SIPA1L1: variants seen among roughly 807,000 people sequenced by gnomAD.
The protein encoded by SIPA1L1 is signal induced proliferation associated 1 like 1, also known as signal-induced proliferation-associated 1-like protein 1.
Under a neutral mutation model 162.7 loss-of-function variants are expected in SIPA1L1, and 26 were observed. That is an observed-to-expected ratio of 0.16 (90% CI 0.12 to 0.22). The LOEUF is 0.22. SIPA1L1 is among the 10% of genes least tolerant of loss of function. The probability of loss-of-function intolerance (pLI) is 1.00; values close to 1 mark genes in which losing one functional copy is unlikely to be tolerated. For missense variants in SIPA1L1, 1,874 were observed against 2,241.0 expected, an observed-to-expected ratio of 0.84 and a Z score of 3.31; for synonymous variants, 829 against 837.4, an observed-to-expected ratio of 0.99 and a Z score of 0.17.
intron 2 of SIPA1L1, among the ~76,000 whole-genome samples, chr14:71,472,881 G>C (rs893908845): frequency 3.5e-5 from 5 of 144,690 alleles, no homozygotes; most frequent in African/African-American, 1.0e-4. Context: ...GGTCTTACTT[G>C]GTCACCCAGG....
At chr14:71,620,644 G>T (rs148235451) in intron 6 of SIPA1L1, among the ~76,000 whole-genome samples, 1 of 152,130 alleles carries the variant, frequency 6.6e-6, no homozygotes, top group African/African-American at 2.4e-5. Flanking sequence ...CCTGTCACTG[G>T]TTTCCACGAG....
chr14:71,364,746 CA>C (rs1407729089), intron 2 of SIPA1L1, among the ~76,000 whole-genome samples: 28 of 136,340 alleles, frequency 2.1e-4, no homozygotes, highest in Non-Finnish European at 2.8e-4. Context: ...AGCAGAACAT[CA>C]ATTTTTTTTT....
At chr14:71,718,810 A>G (rs1266805243) in intron 17 of SIPA1L1, among the ~76,000 whole-genome samples, 1 of 152,236 alleles carries the variant, frequency 6.6e-6, no homozygotes, top group Non-Finnish European at 1.5e-5. Context: ...AGGTAACATT[A>G]GCTTTTCTCC....
intron 23 of SIPA1L1, 63 bp downstream of exon 23, chr14:71,738,388 C>A: frequency 8.8e-7 from 1 of 1,136,670 alleles, no homozygotes; most frequent in Non-Finnish European, 1.3e-6. Context: ...ACCATGAGAG[C>A]CCTTTCTAAG....
chr14:71,367,896 C>T (rs1398294927), intron 2 of SIPA1L1, among the ~76,000 whole-genome samples: 2 of 148,774 alleles, frequency 1.3e-5, no homozygotes, highest in Non-Finnish European at 3.0e-5. Flanking sequence ...CATGAGCCAG[C>T]GTGCCGGCCT....
intron 2 of SIPA1L1, among the ~76,000 whole-genome samples, chr14:71,459,947 C>T (rs919985371): frequency 7.9e-5 from 12 of 152,214 alleles, no homozygotes; most frequent in South Asian, 2.1e-4. Flanking sequence ...GTCATAATTA[C>T]GCCTAACATA....
chr14:71,632,917 G>A (rs114926214), intron 7 of SIPA1L1, among the ~76,000 whole-genome samples: 1 of 152,258 alleles, frequency 6.6e-6, no homozygotes, highest in East Asian at 1.9e-4. Flanking sequence ...CCAGAGTCTC[G>A]TAAGTTAATA....
chr14:71,594,647 T>C (rs1039782140), intron 5 of SIPA1L1, among the ~76,000 whole-genome samples: 1 of 152,240 alleles, frequency 6.6e-6, no homozygotes, highest in African/African-American at 2.4e-5. Context: ...TTAGCAGTTA[T>C]TTTCTGCCAA....
chr14:71,464,406 G>A (rs560590018), intron 2 of SIPA1L1, among the ~76,000 whole-genome samples: 2 of 152,284 alleles, frequency 1.3e-5, no homozygotes, highest in Admixed American at 6.5e-5. Context: ...ACTTTGGGTC[G>A]CCGAGGTGGG....
At chr14:71,444,155 C>A (rs902909727) in intron 2 of SIPA1L1, among the ~76,000 whole-genome samples, 1 of 152,162 alleles carries the variant, frequency 6.6e-6, no homozygotes, top group Non-Finnish European at 1.5e-5. Context: ...TGTTCAGTTA[C>A]CCTGAAGTCT....
intron 2 of SIPA1L1, among the ~76,000 whole-genome samples, chr14:71,349,363 G>T (rs549730662): frequency 6.6e-6 from 1 of 152,254 alleles, no homozygotes; most frequent in African/African-American, 2.4e-5. Context: ...ATGGGTCGGA[G>T]AATTCCTTTA....
At chr14:71,687,313 A>T (rs1027113022) in intron 13 of SIPA1L1, among the ~76,000 whole-genome samples, 1 of 152,092 alleles carries the variant, frequency 6.6e-6, no homozygotes, top group African/African-American at 2.4e-5. Context: ...CCTCTGAGTA[A>T]ATTCTTTTTT....
intron 2 of SIPA1L1, among the ~76,000 whole-genome samples, chr14:71,419,086 C>A (rs184165449): frequency 6.6e-6 from 1 of 152,106 alleles, no homozygotes; most frequent in Non-Finnish European, 1.5e-5. Context: ...TTTCCTGAAC[C>A]GTTGCTGTCT....
intron 2 of SIPA1L1, among the ~76,000 whole-genome samples, chr14:71,486,190 T>C (rs1230990794): frequency 1.3e-5 from 2 of 152,286 alleles, no homozygotes; most frequent in Non-Finnish European, 2.9e-5. Flanking sequence ...AATCTTACCA[T>C]GTGTACTTTA....
intron 8 of SIPA1L1, among the ~76,000 whole-genome samples, chr14:71,654,297 C>G (rs1410798563): frequency 6.6e-6 from 1 of 151,890 alleles, no homozygotes; most frequent in Non-Finnish European, 1.5e-5. Flanking sequence ...TTTTTGTTTT[C>G]TTATTTGGAT....
intron 2 of SIPA1L1, among the ~76,000 whole-genome samples, chr14:71,478,673 G>A (rs912756990): frequency 3.3e-5 from 5 of 152,084 alleles, no homozygotes; most frequent in Non-Finnish European, 4.4e-5. Flanking sequence ...TGTGTAAGTC[G>A]ATTTCTCCAT....
At chr14:71,618,674 C>A in intron 5 of SIPA1L1, 83 bp from the exon 6 acceptor site, 1 of 1,232,676 alleles carries the variant, frequency 8.1e-7, no homozygotes, top group Non-Finnish European at 1.1e-6. Flanking sequence ...TTCTGAGTGA[C>A]AACCTTAAAT....
Position 71,548,849 on chromosome 14 carries a change from G to A in SIPA1L1, c.-303+19479G>A, listed in dbSNP as rs183537795. On this transcript the variant is annotated intron_variant, in intron 4 of 23. Transcript: ENST00000381232. ...AGAGGCAGAGGTTGCAATGAGCTGG[G>A]ATGGCTCCACTGTACTCCAGCCTGG... Among the ~76,000 whole-genome samples, 91 of 137,996 alleles carry A rather than the reference G, an allele frequency of 6.6e-4. 1 individual carries two copies. Among genetic ancestry groups the A allele is most frequent in the African/African-American group, 2.3e-3 (84 of 36,588 alleles). 90.5% of individuals were successfully genotyped at this position (137,996 alleles called of 152,430 possible).
intron 7 of SIPA1L1, among the ~76,000 whole-genome samples, chr14:71,644,191 T>C (rs2041962925): frequency 6.6e-6 from 1 of 151,954 alleles, no homozygotes; most frequent in Non-Finnish European, 1.5e-5. Flanking sequence ...AAATGAAAAA[T>C]TCATTGACTT....
Sources: gnomAD v4.1 joint callset for allele counts (sites outside exome capture counted in the v4.1 genomes callset) on GRCh38, gnomAD v4.1.1 for gene constraint, MANE v1.5 for transcripts, NCBI Gene and HGNC (gene_info 2026-07-23, HGNC 2026-07-21) for gene names.